TG: variants seen among roughly 807,000 people sequenced by gnomAD.
The protein encoded by TG is thyroglobulin, also known as thyroid hormones.
In TG, 270 loss-of-function variants were observed where a neutral mutation model predicts 324.7. That is an observed-to-expected ratio of 0.83 (90% confidence interval 0.75 to 0.92). The LOEUF (loss-of-function observed/expected upper bound fraction) is 0.92. Ranked by LOEUF, TG falls within the 40% of genes least tolerant of loss-of-function variation. The pLI is 0.00. For missense variants in TG, 3,591 were observed against 3,456.4 expected, an observed-to-expected ratio of 1.04 and a Z score of -0.98; for synonymous variants, 1,401 against 1,327.0, an observed-to-expected ratio of 1.06 and a Z score of -1.21.
At chr8:132,933,240 G>GTATA (rs1822995688) in intron 23 of TG, among the ~76,000 whole-genome samples, 2 of 7,530 alleles carry the variant, frequency 2.7e-4, no homozygotes, top group Non-Finnish European at 5.9e-4. Flanking sequence ...ATTTGAATGT[G>GTATA]TATTTCTATG....
At chr8:133,013,914 G>A (rs774248830) in intron 37 of TG, 150 bp downstream of exon 37, 11 of 916,582 alleles carry the variant, frequency 1.2e-5, no homozygotes, top group Admixed American at 4.9e-5. Context: ...CTGAAGGAAG[G>A]TAGAAAAAAT....
chr8:133,121,526 T>C (rs1223186758), intron 45 of TG, among the ~76,000 whole-genome samples: 1 of 152,248 alleles, frequency 6.6e-6, no homozygotes, highest in Non-Finnish European at 1.5e-5. Context: ...CATTTTATAG[T>C]AGCGGTATTG....
intron 35 of TG, among the ~76,000 whole-genome samples, chr8:132,984,443 C>T (rs772020423): frequency 3.3e-5 from 5 of 152,150 alleles, no homozygotes; most frequent in Admixed American, 1.3e-4. Flanking sequence ...TCATGATAGA[C>T]GTTAGCTTCC....
At chr8:133,105,500 G>A (rs904650691) in intron 43 of TG, among the ~76,000 whole-genome samples, 1 of 152,172 alleles carries the variant, frequency 6.6e-6, no homozygotes, top group Non-Finnish European at 1.5e-5. Flanking sequence ...CTAAGGATAG[G>A]GAAATAGCAG....
At chr8:132,878,792 C>T (rs910407837) in intron 5 of TG, among the ~76,000 whole-genome samples, 9 of 152,122 alleles carry the variant, frequency 5.9e-5, no homozygotes, top group African/African-American at 9.7e-5. Context: ...GGCATGCAAA[C>T]GACCCTTCTA....
chr8:132,886,398 T>C, intron 8 of TG, 50 bp from the exon 9 acceptor site: 16 of 1,612,208 alleles, frequency 9.9e-6, no homozygotes, highest in Non-Finnish European at 1.4e-5. Context: ...TGTCTCAGGA[T>C]TGCTTGTGAC....
Position 132,888,037 on chromosome 8 carries a change from G to A in TG, c.2230G>A (p.Ala744Thr). Residue 744 changes from alanine (A) to threonine (T), a missense_variant, in exon 10 of 48, where the codon GCC (alanine) becomes ACC (threonine). By Grantham distance (58) the Ala-to-Thr change is moderately conservative. Transcript: ENST00000220616. Reference sequence around the variant, plus strand: ...GCAAGCTTTCCTCAGGACGGTGCAGGCCCTGCTCTCTAACTCCAGCATGCT... The same window carrying A: ...GCAAGCTTTCCTCAGGACGGTGCAGACCCTGCTCTCTAACTCCAGCATGCT... ...SEQAFLRTVQ[A>T]LLSNSSMLPT... is the part of the protein sequence containing the mutation. 1.2e-6 allele frequency: 2 copies of A among 1,614,102 alleles called. No individual in the cohort carries two copies. Among genetic ancestry groups the A allele is most frequent in the Non-Finnish European group, 1.7e-6 (2 of 1,180,032 alleles).
At chr8:132,981,615 G>T (rs550702536) in intron 34 of TG, among the ~76,000 whole-genome samples, 30 of 152,314 alleles carry the variant, frequency 2.0e-4, no homozygotes, top group Non-Finnish European at 3.5e-4. Context: ...AACGTGAGAT[G>T]ACAGAAGCCT....
chr8:133,002,791 G>A, intron 35 of TG: 1 of 235,790 alleles, frequency 4.2e-6, no homozygotes, highest in Non-Finnish European at 8.2e-6. Flanking sequence ...CTCCCAGAGT[G>A]CTTAATGTGC....
At chr8:132,915,559 A>T (rs1372135607) in intron 20 of TG, among the ~76,000 whole-genome samples, 1 of 152,126 alleles carries the variant, frequency 6.6e-6, no homozygotes, top group African/African-American at 2.4e-5. Context: ...AAGAGACTGC[A>T]TGGGAGACCT....
chr8:133,126,599 C>T (rs969656943), intron 45 of TG, among the ~76,000 whole-genome samples: 2 of 152,006 alleles, frequency 1.3e-5, no homozygotes, highest in African/African-American at 4.8e-5. Context: ...CACTATTTAG[C>T]GTACATCAGG....
chr8:133,082,047 A>G (rs1845831247), intron 41 of TG, among the ~76,000 whole-genome samples: 1 of 152,222 alleles, frequency 6.6e-6, no homozygotes, highest in East Asian at 1.9e-4. Context: ...TGCAAAGGGC[A>G]CAGAGATCCT....
intron 43 of TG, among the ~76,000 whole-genome samples, chr8:133,099,541 A>G (rs1848936049): frequency 6.6e-6 from 1 of 152,160 alleles, no homozygotes; most frequent in African/African-American, 2.4e-5. Flanking sequence ...TGGTTTAGCC[A>G]ATGGCCCACT....
chr8:132,969,466 G>A lies in TG; in HGVS notation c.5872G>A (p.Glu1958Lys). ...TTTCTTCCTCTATGAAGTTATACTG[G>A]AAGATAAAGTGAAGAACTTTTACAC... ...KALFRKKVILEDKVKNFYTRL... is the reference protein window; with the variant it reads ...KALFRKKVILKDKVKNFYTRL... Residue 1958 changes from glutamate to lysine, a missense_variant, in exon 32 of 48, where the codon GAA becomes AAA. Physicochemically the swap from Glu to Lys is moderately conservative, Grantham distance 56. Transcript: ENST00000220616. 6.2e-7 allele frequency: 1 copy of A among 1,611,016 alleles called. No individual in the cohort carries two copies. Among genetic ancestry groups the A allele is most frequent in the South Asian group, 1.1e-5 (1 of 91,006 alleles).
chr8:133,017,899 C>T lies in TG; in HGVS notation c.6684C>T (p.Phe2228=). The change falls in exon 38 of 48, where the codon TTC becomes TTT. Residue 2228 remains phenylalanine, a synonymous_variant. Coordinates refer to ENST00000220616, the MANE Select transcript of TG (RefSeq NM_003235.5). The stretch of plus-strand genomic sequence containing the variant: ...CCTCATGGAAGCAAGTGGACCAGTT[C>T]CTTGGAGTTCCATATGCTGCCCCGC... ...VGTSWKQVDQ[F]LGVPYAAPPL... is the part of the protein sequence containing the mutation. 6.2e-7 allele frequency: 1 copy of T among 1,614,210 alleles called. No individual in the cohort carries two copies. The highest frequency in any genetic ancestry group is 8.5e-7 in the Non-Finnish European group (1 of 1,180,040).
intron 41 of TG, among the ~76,000 whole-genome samples, chr8:133,045,939 A>G (rs950858912): frequency 3.9e-5 from 6 of 152,010 alleles, no homozygotes; most frequent in African/African-American, 1.2e-4. Context: ...TCCTTTGTCT[A>G]TACTCTCTCT....
In TG at chr8:132,916,631, C is replaced by G. The variant is rs2687818; in HGVS notation, c.4379-2745C>G. 9.2e-5 allele frequency among the ~76,000 whole-genome samples: 14 copies of G among 152,074 alleles called. No homozygotes were observed. The South Asian group carries it at 2.9e-3, about 32-fold the overall frequency. On this transcript the variant is annotated intron_variant, in intron 20 of 47. Coordinates refer to ENST00000220616, the MANE Select transcript of TG (RefSeq NM_003235.5). The stretch of plus-strand genomic sequence containing the variant: ...ATAGGAAAGTCCATTGCTCATGACT[C>G]GTGTAGGCACAGCAGCCTTGATCCA...
intron 26 of TG, among the ~76,000 whole-genome samples, chr8:132,947,869 AC>A (rs755005199): frequency 1.3e-5 from 2 of 152,230 alleles, no homozygotes; most frequent in Non-Finnish European, 2.9e-5. Context: ...ATATAAAAAA[AC>A]GTGTGAGTTA....
chr8:132,869,953 G>A (rs1407251836), intron 3 of TG, 127 bp downstream of exon 3: 1 of 751,508 alleles, frequency 1.3e-6, no homozygotes, highest in Non-Finnish European at 2.2e-6. Flanking sequence ...TCTCCTCTGT[G>A]AATAAGAATC....
Sources: allele counts gnomAD v4.1 joint callset (sites outside exome capture counted in the v4.1 genomes callset), GRCh38; gene constraint gnomAD v4.1.1; transcripts MANE v1.5; gene names NCBI Gene and HGNC (gene_info 2026-07-23, HGNC 2026-07-21).